RASEF: variants seen among roughly 807,000 people sequenced by gnomAD.
The protein encoded by RASEF is ras and EF-hand domain-containing protein.
A neutral mutation model predicts 90.1 loss-of-function variants in RASEF; 68 were observed. The observed-to-expected ratio is 0.75, with a 90% CI of 0.62 to 0.92. The LOEUF is 0.92. RASEF is among the 40% of genes least tolerant of loss of function. The pLI is 0.00. For synonymous variants in RASEF, 331 were observed against 345.2 expected (o/e 0.96, Z 0.46); for missense variants, 949 against 937.2 (o/e 1.01, Z -0.16).
At chr9:83,192,635 A>G in the RASEF span, among the ~76,000 whole-genome samples, 1 of 152,054 alleles carries the variant, frequency 6.6e-6, no homozygotes, top group African/African-American at 2.4e-5. Flanking sequence ...TGATAAAATA[A>G]TCTGTACGAC....
At chr9:83,048,355 G>T (rs1242905985) in intron 1 of RASEF, 1 of 985,368 alleles carries the variant, frequency 1.0e-6, no homozygotes, top group South Asian at 4.7e-5. Context: ...TTTGATTTCT[G>T]ACCACCACTG....
At chr9:83,027,995 G>A (rs1337602161) in intron 1 of RASEF, among the ~76,000 whole-genome samples, 2 of 152,126 alleles carry the variant, frequency 1.3e-5, no homozygotes, top group Non-Finnish European at 2.9e-5. Flanking sequence ...GGCTGTGACC[G>A]GGTTGTGACA....
In RASEF at chr9:83,062,741, G is replaced by C. The variant is rs777413630; in HGVS notation, c.127C>G (p.Arg43Gly). ...FRALCTELRV[R>G]PADAEAVFQR... ...AATACTGCCTCGGCGTCGGCCGGCCGCACCCGCAGCTCCGTGCACAGTGCC... is the reference window on the plus strand; with the variant it reads ...AATACTGCCTCGGCGTCGGCCGGCCCCACCCGCAGCTCCGTGCACAGTGCC... The change falls in exon 1 of 17, where the codon CGG (arginine) becomes GGG (glycine). Residue 43 changes from arginine (R) to glycine (G), a missense_variant. Arg to Gly is a moderately radical substitution (Grantham distance 125). Coordinates refer to ENST00000376447, the MANE Select transcript of RASEF (RefSeq NM_152573.4). The C allele has an allele frequency of 1.5e-5, 23 of 1,568,248 alleles. No homozygotes were observed. Among genetic ancestry groups the C allele is most frequent in the Non-Finnish European group, 1.8e-5 (21 of 1,165,738 alleles).
intron 1 of RASEF, among the ~76,000 whole-genome samples, chr9:83,034,405 A>G (rs1829702911): frequency 6.6e-6 from 1 of 152,094 alleles, no homozygotes; most frequent in African/African-American, 2.4e-5. Flanking sequence ...TTAACCACAC[A>G]CATCTCCTGC....
intron 9 of RASEF, among the ~76,000 whole-genome samples, chr9:83,004,202 G>A (rs1244565971): frequency 6.6e-6 from 1 of 152,068 alleles, no homozygotes; most frequent in Non-Finnish European, 1.5e-5. Context: ...TAATTCTGCT[G>A]GTTTCCCTGA....
the RASEF span, among the ~76,000 whole-genome samples, chr9:83,202,647 T>C: frequency 4.1e-5 from 6 of 147,768 alleles, no homozygotes; most frequent in South Asian, 2.1e-4. Flanking sequence ...GGCTTGTTTT[T>C]TTGTTTGTTT....
chr9:83,000,371 A>C, intron 11 of RASEF, 55 bp from the exon 12 acceptor site: 1 of 1,611,518 alleles, frequency 6.2e-7, no homozygotes, highest in Non-Finnish European at 8.5e-7. Context: ...TCATCCTAAT[A>C]AGTAACACTG....
intron 15 of RASEF, among the ~76,000 whole-genome samples, chr9:82,991,672 C>G (rs1488433076): frequency 3.3e-5 from 5 of 152,180 alleles, no homozygotes; most frequent in Non-Finnish European, 7.3e-5. Context: ...ACCATCAGTG[C>G]TGGTGTTGAC....
At chr9:83,035,779 C>T (rs1172176038) in intron 1 of RASEF, among the ~76,000 whole-genome samples, 1 of 152,212 alleles carries the variant, frequency 6.6e-6, no homozygotes, top group African/African-American at 2.4e-5. Context: ...AAAAGGAATA[C>T]AATATCAATT....
At chr9:83,163,996 G>GAAA in the RASEF span, among the ~76,000 whole-genome samples, 14 of 140,734 alleles carry the variant, frequency 9.9e-5, no homozygotes, top group Non-Finnish European at 1.6e-4. Context: ...TACTTGAGAG[G>GAAA]AAAAAAAAAA....
chr9:83,132,416 C>A, the RASEF span, among the ~76,000 whole-genome samples: 1 of 152,154 alleles, frequency 6.6e-6, no homozygotes, highest in Non-Finnish European at 1.5e-5. Flanking sequence ...AATCTCCTAA[C>A]TACAATGCTT....
the RASEF span, among the ~76,000 whole-genome samples, chr9:83,106,346 T>C: frequency 1.3e-5 from 2 of 152,180 alleles, no homozygotes; most frequent in African/African-American, 2.4e-5. Context: ...GTGGAGTTTT[T>C]GTCCTCTGTG....
the RASEF span, among the ~76,000 whole-genome samples, chr9:83,163,802 T>G: frequency 5.7e-4 from 86 of 152,056 alleles, 1 homozygote; most frequent in Non-Finnish European, 9.7e-4. Context: ...AGAAGAAATA[T>G]TTTAAACAAT....
the RASEF span, among the ~76,000 whole-genome samples, chr9:83,087,405 T>TTCATTCTCTCTCTCTCTCTCTCTCTC: frequency 6.1e-5 from 7 of 115,532 alleles, no homozygotes; most frequent in African/African-American, 2.3e-4. Flanking sequence ...TTCTCATTCA[T>TTCATTCTCTCTCTCTCTCTCTCTCTC]TCTCTCTCTC....
the RASEF span, among the ~76,000 whole-genome samples, chr9:83,213,314 C>T: frequency 1.3e-5 from 2 of 150,572 alleles, no homozygotes; most frequent in Non-Finnish European, 2.9e-5. Context: ...GCTGGAGAAT[C>T]ACTTGAACCC....
At chr9:83,120,905 T>C in the RASEF span, among the ~76,000 whole-genome samples, 1 of 152,178 alleles carries the variant, frequency 6.6e-6, no homozygotes, top group Non-Finnish European at 1.5e-5. Flanking sequence ...GCAGACCTAC[T>C]AGATTTCTGA....
the RASEF span, among the ~76,000 whole-genome samples, chr9:83,113,966 T>C: frequency 5.6e-3 from 845 of 152,236 alleles, 8 homozygotes; most frequent in African/African-American, 0.019. Flanking sequence ...ACTTGCTGGT[T>C]TTGTGGCTCA....
At chr9:83,025,733 T>C (rs1214473636) in intron 2 of RASEF, 42 bp downstream of exon 2, 4 of 1,598,562 alleles carry the variant, frequency 2.5e-6, no homozygotes, top group Admixed American at 1.7e-5. Flanking sequence ...GAGAGCAAGT[T>C]AAAGCACCCA....
In RASEF at chr9:82,982,751, T is replaced by C. The variant is rs1380420338; in HGVS notation, c.2149A>G (p.Ser717Gly). ...EVKKRTDKDDSRSITNLTGTN... is the reference protein window; with the variant it reads ...EVKKRTDKDDGRSITNLTGTN... ...CCGGTTAGATTGGTAATGGATCTGC[T>C]GTCATCCTTGTCAGTTCTCTTTTTC... The change falls in exon 17 of 17, where the codon AGC becomes GGC. Residue 717 changes from serine to glycine, a missense_variant. Coordinates refer to ENST00000376447, the MANE Select transcript of RASEF (RefSeq NM_152573.4). The C allele has an allele frequency of 6.2e-7, 1 of 1,605,578 alleles. No homozygotes were observed. Among genetic ancestry groups the C allele is most frequent in the Admixed American group, 1.7e-5 (1 of 59,990 alleles).
Sources: allele counts gnomAD v4.1 joint callset (sites outside exome capture counted in the v4.1 genomes callset), GRCh38; gene constraint gnomAD v4.1.1; transcripts MANE v1.5; gene names NCBI Gene and HGNC (gene_info 2026-07-23, HGNC 2026-07-21).